ITPR1: variants seen among roughly 807,000 people sequenced by gnomAD.
ITPR1 encodes the protein inositol 1,4,5-trisphosphate receptor type 1.
A neutral mutation model predicts 318.4 loss-of-function variants in ITPR1; 96 were observed. The ratio of observed to expected loss-of-function variants is 0.30; its 90% confidence interval spans 0.26 to 0.36. The LOEUF (loss-of-function observed/expected upper bound fraction) is 0.36. ITPR1 is among the 10% of genes least tolerant of loss of function. ITPR1 has a pLI of 1.00. For missense variants in ITPR1, 2,440 were observed against 3,460.2 expected (o/e 0.71, Z 7.40); for synonymous variants, 1,312 against 1,289.9 (o/e 1.02, Z -0.37).
At chr3:4,818,574 T>A (rs555177939) in intron 60 of ITPR1, among the ~76,000 whole-genome samples, 4 of 152,196 alleles carry the variant, frequency 2.6e-5, no homozygotes, top group Non-Finnish European at 5.9e-5. Flanking sequence ...ATCTGCCTCT[T>A]TTCTTGATAG....
chr3:4,775,186 C>T (rs970193823), intron 46 of ITPR1, 56 bp from the exon 47 acceptor site: 15 of 1,234,726 alleles, frequency 1.2e-5, no homozygotes, highest in African/African-American at 7.4e-5. Flanking sequence ...GGATGAATAA[C>T]GTTTCCCTCT....
intron 60 of ITPR1, chr3:4,831,059 G>A (rs1446602733): frequency 4.4e-6 from 2 of 454,618 alleles, no homozygotes; most frequent in Admixed American, 2.4e-5. Context: ...AGAATGATTC[G>A]CATTTGCATC....
At position 4,818,143 on chromosome 3, in the gene ITPR1, A is replaced by G; in HGVS notation, c.7929A>G (p.Glu2643=). ...CCTTTGAAGAGCACATCAAGGAAGA[A>G]CACAACATGTGGCACTATCTGTGCT... ...TVTFEEHIKE[E]HNMWHYLCFI... is the part of the protein sequence containing the mutation. Residue 2643 remains glutamate, a synonymous_variant, in exon 60 of 62, where the codon GAA becomes GAG. Coordinates refer to ENST00000649015, the MANE Select transcript of ITPR1 (RefSeq NM_001378452.1). 1 of 1,608,420 alleles carries G rather than the reference A, an allele frequency of 6.2e-7. No individual in the cohort carries two copies. The highest frequency in any genetic ancestry group is 1.3e-5 in the African/African-American group (1 of 74,994).
intron 55 of ITPR1, among the ~76,000 whole-genome samples, chr3:4,806,731 A>T (rs192784562): frequency 6.6e-6 from 1 of 152,128 alleles, no homozygotes; most frequent in Non-Finnish European, 1.5e-5. Context: ...TCATGAGCTC[A>T]GTAGATTTAT....
intron 44 of ITPR1, among the ~76,000 whole-genome samples, chr3:4,757,748 G>C (rs755052547): frequency 6.6e-6 from 1 of 152,174 alleles, no homozygotes; most frequent in Non-Finnish European, 1.5e-5. Flanking sequence ...AGCGCTTAGC[G>C]CCCGGCAAAT....
rs768940587 is a variant in ITPR1, at chr3:4,663,595, C to T, written c.1554+389C>T. Among the ~76,000 whole-genome samples, 3 of 152,148 alleles carry T rather than the reference C, an allele frequency of 2.0e-5. No individual in the cohort carries two copies. In the East Asian group the frequency reaches 5.8e-4, roughly 29 times the overall value. On this transcript the variant is annotated intron_variant, in intron 16 of 61. Coordinates refer to ENST00000649015, the MANE Select transcript of ITPR1 (RefSeq NM_001378452.1). ...TCACACACTTGGCCTCCCCCACTACCGACATCCTACATCACAGTGAGACAT... is the reference window on the plus strand; with the variant it reads ...TCACACACTTGGCCTCCCCCACTACTGACATCCTACATCACAGTGAGACAT...
intron 40 of ITPR1, chr3:4,724,470 G>A (rs1258128755): frequency 6.6e-6 from 1 of 152,246 alleles, no homozygotes; most frequent in Non-Finnish European, 1.5e-5. Flanking sequence ...GCCACCTTCT[G>A]GCCCTGAGGT....
chr3:4,760,451 A>G (rs2045357558), intron 44 of ITPR1, among the ~76,000 whole-genome samples: 1 of 152,236 alleles, frequency 6.6e-6, no homozygotes, highest in African/African-American at 2.4e-5. Flanking sequence ...TAATTGACAT[A>G]TAATCATAGG....
intron 12 of ITPR1, among the ~76,000 whole-genome samples, chr3:4,656,635 C>T (rs1430049534): frequency 6.6e-6 from 1 of 152,198 alleles, no homozygotes; most frequent in Admixed American, 6.5e-5. Flanking sequence ...CAGGCTATTG[C>T]CCTGTGCTCC....
At chr3:4,597,485 G>A (rs763871325) in intron 4 of ITPR1, among the ~76,000 whole-genome samples, 28 of 152,170 alleles carry the variant, frequency 1.8e-4, no homozygotes, top group African/African-American at 6.3e-4. Flanking sequence ...ATCCGAGGCC[G>A]TATAGAAGTA....
At chr3:4,639,650 C>G (rs2093290251) in intron 6 of ITPR1, among the ~76,000 whole-genome samples, 180 bp downstream of exon 6, 1 of 152,202 alleles carries the variant, frequency 6.6e-6, no homozygotes, top group African/African-American at 2.4e-5. Flanking sequence ...GGCTATTCTG[C>G]TGGTCATCTC....
In ITPR1 at chr3:4,493,798, T is replaced by C. The variant is rs139027591; in HGVS notation, c.-93+193T>C. The stretch of plus-strand genomic sequence containing the variant: ...CTTAAAAAACAAATATCCTCTACTC[T>C]AGTGCGTGGCTTTGGGGGCTCCCCA... On this transcript the variant is annotated intron_variant, in intron 1 of 61. Coordinates refer to ENST00000649015, the MANE Select transcript of ITPR1 (RefSeq NM_001378452.1). Among the ~76,000 whole-genome samples, 20 of 152,064 alleles carry C rather than the reference T, an allele frequency of 1.3e-4. No individual in the cohort carries two copies. The East Asian group carries it at 3.7e-3, about 28-fold the overall frequency.
In ITPR1 at chr3:4,787,943, C is replaced by T. The variant is rs1355896132; in HGVS notation, c.6616-4C>T. ...ATTTAATCTCATCCACTTTTTCATC[C>T]TAGATTGTCAGATTAGACCGAACAA... On this transcript the variant is annotated splice_region_variant and splice_polypyrimidine_tract_variant and intron_variant, in intron 51 of 61. Coordinates refer to ENST00000649015, the MANE Select transcript of ITPR1 (RefSeq NM_001378452.1). 1.3e-6 allele frequency: 2 copies of T among 1,597,614 alleles called. No homozygotes were observed. Among genetic ancestry groups the T allele is most frequent in the African/African-American group, 2.7e-5 (2 of 74,270 alleles).
At chr3:4,607,870 GTAA>G (rs1326556674) in intron 4 of ITPR1, among the ~76,000 whole-genome samples, 1 of 152,112 alleles carries the variant, frequency 6.6e-6, no homozygotes, top group Non-Finnish European at 1.5e-5. Context: ...ACCTGCAGTA[GTAA>G]TGGGTAAGTT....
At chr3:4,632,046 G>A (rs963978813) in intron 5 of ITPR1, among the ~76,000 whole-genome samples, 3 of 152,188 alleles carry the variant, frequency 2.0e-5, no homozygotes, top group Non-Finnish European at 2.9e-5. Context: ...TGTAACATGC[G>A]TTCACTTTAC....
At chr3:4,683,237 A>G (rs1044086651) in intron 26 of ITPR1, 149 bp from the exon 27 acceptor site, 12 of 739,040 alleles carry the variant, frequency 1.6e-5, no homozygotes, top group South Asian at 1.4e-4. Context: ...GCAAGGCTGT[A>G]TTGTTAAAGG....
intron 12 of ITPR1, among the ~76,000 whole-genome samples, chr3:4,656,603 T>C (rs570938414): frequency 6.6e-4 from 101 of 152,316 alleles, no homozygotes; most frequent in Middle Eastern, 3.4e-3. Flanking sequence ...CACATAGAGG[T>C]TGGGGGCCGC....
chr3:4,787,853 C>G lies in ITPR1; in HGVS notation c.6616-94C>G, dbSNP rs960951446. ...ATAAAATCAGAGATCATATTATACT[C>G]AATCTTGACCACCGAGTCTACCACC... On this transcript the variant is annotated intron_variant, in intron 51 of 61. Coordinates refer to ENST00000649015, the MANE Select transcript of ITPR1 (RefSeq NM_001378452.1). The G allele has an allele frequency of 1.1e-5, 9 of 813,788 alleles. No individual in the cohort carries two copies. The African/African-American group carries it at 1.7e-4, about 15-fold the overall frequency. The allele number at this position is 813,788 out of a possible 1,614,324, so 50.4% of individuals were successfully genotyped here.
chr3:4,762,218 G>A (rs917182004), intron 44 of ITPR1, among the ~76,000 whole-genome samples: 3 of 152,062 alleles, frequency 2.0e-5, no homozygotes, highest in African/African-American at 7.3e-5. Flanking sequence ...TGCCCAGGTA[G>A]GCCTTGTAAC....
Sources: gnomAD v4.1 joint callset for allele counts (sites outside exome capture counted in the v4.1 genomes callset) on GRCh38, gnomAD v4.1.1 for gene constraint, MANE v1.5 for transcripts, NCBI Gene and HGNC (gene_info 2026-07-23, HGNC 2026-07-21) for gene names.